The following PRRX1 variants were observed in gnomAD, a reference collection of about 807,000 sequenced individuals.
PRRX1 encodes the protein paired mesoderm homeobox protein 1.
A neutral mutation model predicts 24.0 loss-of-function variants in PRRX1; 8 were observed. The observed-to-expected ratio is 0.33, with a 90% confidence interval of 0.20 to 0.60. PRRX1 has a LOEUF of 0.60. PRRX1 is among the 20% of genes least tolerant of loss of function. PRRX1 has a pLI of 0.82. For missense variants in PRRX1, 281 were observed against 322.4 expected (o/e 0.87, Z 0.98); for synonymous variants, 160 against 131.7 (o/e 1.22, Z -1.47).
In PRRX1 at chr1:170,690,990, G is replaced by GAT. The variant is rs1014746096; in HGVS notation, c.241+26532_241+26533insTA. On this transcript the variant is annotated intron_variant, in intron 1 of 3. Coordinates refer to ENST00000239461, the MANE Select transcript of PRRX1 (RefSeq NM_022716.4). ...AGGTACTCGTGGTTTTATCTAGACAGACAAAAAGAGGCTTGAGAGGATAAT... is the reference window on the plus strand; with the variant it reads ...AGGTACTCGTGGTTTTATCTAGACAGATACAAAAAGAGGCTTGAGAGGATAAT... Among the ~76,000 whole-genome samples, 34 of 152,108 alleles carry GAT rather than the reference G, an allele frequency of 2.2e-4. 1 individual carries two copies. The highest frequency in any genetic ancestry group is 1.0e-4 in the Non-Finnish European group (7 of 68,004).
intron 1 of PRRX1, among the ~76,000 whole-genome samples, chr1:170,666,691 G>A (rs1652945895): frequency 6.6e-6 from 1 of 152,098 alleles, no homozygotes; most frequent in Non-Finnish European, 1.5e-5. Context: ...CAAGGCCAGC[G>A]GCCTCGGCCA....
chr1:170,726,441 T>C, intron 3 of PRRX1, 40 bp downstream of exon 3: 1 of 1,598,444 alleles, frequency 6.3e-7, no homozygotes, highest in South Asian at 1.1e-5. Context: ...CACTTCCACA[T>C]GTTTCTCAGC....
chr1:170,729,254 G>C (rs187988696), intron 3 of PRRX1, among the ~76,000 whole-genome samples: 10 of 152,308 alleles, frequency 6.6e-5, no homozygotes, highest in Non-Finnish European at 1.2e-4. Flanking sequence ...TTTTATGCAA[G>C]AGATATCTCA....
chr1:170,710,307 T>A (rs1209453609), intron 1 of PRRX1, among the ~76,000 whole-genome samples: 1 of 152,184 alleles, frequency 6.6e-6, no homozygotes. Context: ...GTAAAAACTA[T>A]CCTATAACTC....
chr1:170,709,864 C>T (rs1399590685), intron 1 of PRRX1, among the ~76,000 whole-genome samples: 1 of 152,180 alleles, frequency 6.6e-6, no homozygotes, highest in Admixed American at 6.5e-5. Context: ...GCAAGGCTGA[C>T]GCCACTTGAC....
intron 1 of PRRX1, among the ~76,000 whole-genome samples, chr1:170,686,797 T>A (rs1176049905): frequency 6.6e-6 from 1 of 152,204 alleles, no homozygotes; most frequent in Non-Finnish European, 1.5e-5. Context: ...TATCAGAGAA[T>A]CTACACTTTG....
At chr1:170,712,488 T>G (rs1056621719) in intron 1 of PRRX1, among the ~76,000 whole-genome samples, 2 of 152,146 alleles carry the variant, frequency 1.3e-5, no homozygotes, top group African/African-American at 4.8e-5. Context: ...GTGATAGAAA[T>G]CTTACTGAAC....
intron 1 of PRRX1, among the ~76,000 whole-genome samples, chr1:170,714,916 A>G (rs1254007199): frequency 2.0e-5 from 3 of 152,006 alleles, no homozygotes; most frequent in Non-Finnish European, 2.9e-5. Flanking sequence ...TTTTCTCAAG[A>G]AGTTCTTCAT....
At chr1:170,725,958 T>A (rs147933722) in intron 2 of PRRX1, among the ~76,000 whole-genome samples, 1 of 152,142 alleles carries the variant, frequency 6.6e-6, no homozygotes, top group Non-Finnish European at 1.5e-5. Context: ...CGTGGGTAAG[T>A]CACAGATCCC....
intron 1 of PRRX1, among the ~76,000 whole-genome samples, chr1:170,704,073 T>C (rs1654483782): frequency 2.0e-5 from 3 of 152,214 alleles, no homozygotes. Context: ...TAACTAAACA[T>C]TGATTTCCCC....
At chr1:170,670,357 A>G (rs2101884427) in intron 1 of PRRX1, among the ~76,000 whole-genome samples, 1 of 152,310 alleles carries the variant, frequency 6.6e-6, no homozygotes, top group South Asian at 2.1e-4. Context: ...TCAAAACCCA[A>G]CAGTCTCAAA....
intron 1 of PRRX1, among the ~76,000 whole-genome samples, chr1:170,682,981 T>C (rs1653605872): frequency 6.6e-6 from 1 of 152,024 alleles, no homozygotes; most frequent in Non-Finnish European, 1.5e-5. Context: ...AGAAAGAAGG[T>C]CAATGTGACT....
chr1:170,709,220 A>T (rs1654668019), intron 1 of PRRX1, among the ~76,000 whole-genome samples: 1 of 152,206 alleles, frequency 6.6e-6, no homozygotes, highest in Non-Finnish European at 1.5e-5. Flanking sequence ...TTGATCACAG[A>T]AGGTTCCTAC....
At chr1:170,706,575 T>A (rs536014615) in intron 1 of PRRX1, among the ~76,000 whole-genome samples, 3 of 152,352 alleles carry the variant, frequency 2.0e-5, no homozygotes, top group African/African-American at 7.2e-5. Flanking sequence ...CCCCATTATA[T>A]AAAGTTGACT....
intron 1 of PRRX1, among the ~76,000 whole-genome samples, chr1:170,670,015 G>A (rs1653096118): frequency 1.3e-5 from 2 of 152,110 alleles, no homozygotes; most frequent in South Asian, 2.1e-4. Flanking sequence ...CTCTATCTAA[G>A]CCTTTGTAAG....
intron 1 of PRRX1, among the ~76,000 whole-genome samples, chr1:170,696,945 A>C (rs1359255504): frequency 2.0e-5 from 3 of 152,166 alleles, no homozygotes; most frequent in Non-Finnish European, 4.4e-5. Flanking sequence ...AATAGAGCTA[A>C]ATAAAACTAT....
At chr1:170,719,129 C>T (rs940244302) in intron 1 of PRRX1, among the ~76,000 whole-genome samples, 1 of 152,178 alleles carries the variant, frequency 6.6e-6, no homozygotes, top group Admixed American at 6.5e-5. Context: ...GCCTCTGAAG[C>T]CTGCCTTTGC....
intron 1 of PRRX1, among the ~76,000 whole-genome samples, chr1:170,701,660 T>C (rs888058036): frequency 1.3e-5 from 2 of 152,168 alleles, no homozygotes; most frequent in South Asian, 2.1e-4. Flanking sequence ...GGAGAATGCT[T>C]CAACTACAAG....
chr1:170,676,942 G>A (rs1031203037), intron 1 of PRRX1, among the ~76,000 whole-genome samples: 1 of 152,148 alleles, frequency 6.6e-6, no homozygotes, highest in Admixed American at 6.5e-5. Flanking sequence ...TGCTAACACA[G>A]CAGGTTGGAA....
Sources: allele counts gnomAD v4.1 joint callset (sites outside exome capture counted in the v4.1 genomes callset), GRCh38; gene constraint gnomAD v4.1.1; transcripts MANE v1.5; gene names NCBI Gene and HGNC (gene_info 2026-07-23, HGNC 2026-07-21).